The following GABBR2 variants were observed in gnomAD, a reference collection of about 807,000 sequenced individuals.
GABBR2 encodes the protein G-protein coupled receptor 51.
Under a neutral mutation model 105.6 loss-of-function variants are expected in GABBR2, and 23 were observed. That is an observed-to-expected ratio of 0.22 (90% CI 0.16 to 0.31). The LOEUF (loss-of-function observed/expected upper bound fraction) is 0.31. Ranked by LOEUF, GABBR2 falls within the 10% of genes least tolerant of loss-of-function variation. GABBR2 has a pLI of 1.00. For synonymous variants in GABBR2, 478 were observed against 499.7 expected (o/e 0.96, Z 0.58); for missense variants, 734 against 1,245.5 (o/e 0.59, Z 6.18).
intron 2 of GABBR2, among the ~76,000 whole-genome samples, chr9:98,551,532 C>G (rs566608275): frequency 6.6e-6 from 1 of 152,278 alleles, no homozygotes; most frequent in East Asian, 1.9e-4. Flanking sequence ...AGGGAGGGAA[C>G]AATTTATGCC....
intron 17 of GABBR2, among the ~76,000 whole-genome samples, chr9:98,294,888 C>T (rs765101304): frequency 6.6e-6 from 1 of 152,098 alleles, no homozygotes; most frequent in African/African-American, 2.4e-5. Flanking sequence ...TATTGTGTAG[C>T]CACAAAATAT....
intron 3 of GABBR2, among the ~76,000 whole-genome samples, chr9:98,503,086 T>C (rs989509408): frequency 1.3e-5 from 2 of 152,186 alleles, no homozygotes; most frequent in Non-Finnish European, 2.9e-5. Context: ...TGTGTAAATG[T>C]TCACTGAGAC....
intron 13 of GABBR2, among the ~76,000 whole-genome samples, chr9:98,359,853 C>G (rs1831552278): frequency 6.6e-6 from 1 of 152,136 alleles, no homozygotes; most frequent in South Asian, 2.1e-4. Flanking sequence ...GGAGTCCTGA[C>G]TGGGGAATGT....
intron 3 of GABBR2, among the ~76,000 whole-genome samples, chr9:98,509,733 A>C (rs1197540325): frequency 6.6e-6 from 1 of 152,258 alleles, no homozygotes; most frequent in Non-Finnish European, 1.5e-5. Flanking sequence ...AAGAATAAAA[A>C]GAAATGAACA....
chr9:98,306,620 G>A lies in GABBR2; in HGVS notation c.2005-275C>T. 2.0e-6 allele frequency: 1 copy of A among 493,558 alleles called. No homozygotes were observed. The highest frequency in any genetic ancestry group is 2.2e-5 in the South Asian group (1 of 45,558). 30.6% of individuals were successfully genotyped at this position (493,558 alleles called of 1,614,324 possible). ...TGGTTCATGCACAGACCTGCCCAAG[G>A]CTACAGTGGAAGGGAACTTCAGATA... On this transcript the variant is annotated intron_variant, in intron 14 of 18. Transcript: ENST00000259455. The surrounding 1 kb of genome is among the most constrained non-coding windows in gnomAD (Gnocchi z 5.4).
chr9:98,373,122 A>G (rs1190118980), intron 11 of GABBR2, among the ~76,000 whole-genome samples: 4 of 152,150 alleles, frequency 2.6e-5, no homozygotes, highest in South Asian at 2.1e-4. Context: ...GAAAGAGCCA[A>G]TGATAGAGAA....
Position 98,500,135 on chromosome 9 carries a change from G to T in GABBR2, c.631-3621C>A, listed in dbSNP as rs970185555. ...GCCATTAACTACATTTCTGCAAAAT[G>T]ATTTCCTTTTTTCTATTAATCTCCT... On this transcript the variant is annotated intron_variant, in intron 3 of 18. Transcript: ENST00000259455. Among the ~76,000 whole-genome samples, 7 of 152,192 alleles carry T rather than the reference G, an allele frequency of 4.6e-5. 1 individual carries two copies. The highest frequency in any genetic ancestry group is 3.9e-4 in the Admixed American group (6 of 15,274).
chr9:98,641,308 T>TA (rs1829959364), intron 1 of GABBR2, among the ~76,000 whole-genome samples: 1 of 151,474 alleles, frequency 6.6e-6, no homozygotes. Flanking sequence ...TATTTTTTTT[T>TA]TTTTTTTTTA....
intron 1 of GABBR2, among the ~76,000 whole-genome samples, chr9:98,701,599 A>G (rs1236690982): frequency 6.6e-6 from 1 of 152,124 alleles, no homozygotes; most frequent in East Asian, 1.9e-4. Flanking sequence ...CCATTTACTC[A>G]TGCAGGCTGC....
chr9:98,683,399 G>A (rs1325644970), intron 1 of GABBR2, among the ~76,000 whole-genome samples: 4 of 152,042 alleles, frequency 2.6e-5, no homozygotes, highest in African/African-American at 9.7e-5. Context: ...CATTGCGCCC[G>A]GCCCAAGTTA....
At chr9:98,404,893 A>T (rs939135662) in intron 8 of GABBR2, among the ~76,000 whole-genome samples, 2 of 152,186 alleles carry the variant, frequency 1.3e-5, no homozygotes, top group Non-Finnish European at 2.9e-5. Flanking sequence ...CAATGGGTGG[A>T]ATTTGTGTGG....
intron 1 of GABBR2, among the ~76,000 whole-genome samples, chr9:98,668,204 A>C (rs1420182068): frequency 6.6e-6 from 1 of 151,522 alleles, no homozygotes; most frequent in Non-Finnish European, 1.5e-5. Flanking sequence ...AAACTTTTGC[A>C]GGCAATTCTC....
chr9:98,572,063 C>A (rs1828841197), intron 2 of GABBR2, among the ~76,000 whole-genome samples: 1 of 152,208 alleles, frequency 6.6e-6, no homozygotes, highest in African/African-American at 2.4e-5. Context: ...GGGTTCCTCC[C>A]AGCATGAGGC....
intron 4 of GABBR2, chr9:98,496,153 G>T: frequency 2.0e-6 from 1 of 491,386 alleles, no homozygotes; most frequent in South Asian, 2.4e-5. Context: ...TGCCCCTGAG[G>T]CTGCGTTGAG....
intron 14 of GABBR2, among the ~76,000 whole-genome samples, chr9:98,310,037 G>A (rs1227787345): frequency 1.3e-5 from 2 of 152,148 alleles, no homozygotes; most frequent in Non-Finnish European, 2.9e-5. Context: ...GGGGTCAAAC[G>A]GGGGTGAATG....
chr9:98,509,824 G>C (rs1413389005), intron 3 of GABBR2, among the ~76,000 whole-genome samples: 6 of 152,202 alleles, frequency 3.9e-5, no homozygotes, highest in Admixed American at 2.0e-4. Context: ...GGGGAGAATG[G>C]AACCAAGTTG....
intron 1 of GABBR2, among the ~76,000 whole-genome samples, chr9:98,620,744 TG>T (rs1470893857): frequency 6.6e-6 from 1 of 152,194 alleles, no homozygotes; most frequent in Non-Finnish European, 1.5e-5. Flanking sequence ...ATTGACGGCT[TG>T]CCCTGGCCCA....
intron 6 of GABBR2, among the ~76,000 whole-genome samples, chr9:98,464,056 C>T (rs1449434601): frequency 2.0e-5 from 3 of 152,220 alleles, no homozygotes; most frequent in Non-Finnish European, 4.4e-5. Flanking sequence ...CGCCCGCCAC[C>T]CCGTCTAGGA....
At chr9:98,490,245 T>C (rs1827148490) in intron 4 of GABBR2, among the ~76,000 whole-genome samples, 1 of 151,500 alleles carries the variant, frequency 6.6e-6, no homozygotes, top group African/African-American at 2.5e-5. Context: ...CACATATATT[T>C]TACTACAATA....
Sources: gnomAD v4.1 joint callset for allele counts (sites outside exome capture counted in the v4.1 genomes callset) on GRCh38, gnomAD v4.1.1 for gene constraint, Gnocchi (gnomAD v3.1) non-coding constraint, MANE v1.5 for transcripts, NCBI Gene and HGNC (gene_info 2026-07-23, HGNC 2026-07-21) for gene names.